The following CYTH1 variants were observed in gnomAD, a reference collection of about 807,000 sequenced individuals.
The protein encoded by CYTH1 is cytohesin 1.
In CYTH1, 18 loss-of-function variants were observed where a neutral mutation model predicts 61.8. That is an observed-to-expected ratio of 0.29 (90% confidence interval 0.20 to 0.43). CYTH1 has a LOEUF of 0.43. CYTH1 is among the 20% of genes least tolerant of loss of function. The pLI is 1.00. For missense variants in CYTH1, 336 were observed against 510.5 expected (o/e 0.66, Z 3.29); for synonymous variants, 174 against 184.3 (o/e 0.94, Z 0.45).
intron 1 of CYTH1, among the ~76,000 whole-genome samples, chr17:78,756,562 T>C (rs1211833955): frequency 1.3e-5 from 2 of 152,174 alleles, no homozygotes; most frequent in African/African-American, 4.8e-5. Flanking sequence ...AATGAGGCTA[T>C]TTGAAGTCCT....
intron 9 of CYTH1, 81 bp downstream of exon 9, chr17:78,698,188 C>T (rs1365435904): frequency 3.0e-5 from 34 of 1,137,432 alleles, no homozygotes; most frequent in Middle Eastern, 2.5e-4. Flanking sequence ...CGCGCACACA[C>T]GCACGCACGC....
rs1451324630 is a variant in CYTH1 at position 78,698,971 on chromosome 17, A to T, written c.551-3T>A. On this transcript the variant is annotated splice_region_variant and splice_polypyrimidine_tract_variant and intron_variant, in intron 7 of 13. Coordinates refer to ENST00000446868, the MANE Select transcript of CYTH1 (RefSeq NM_004762.6). ...AAAGGAGAGGACGTAACAAGTATCT[A>T]AAGATGAGAGAAAAGCAAAGGGGAG... 7 of 1,610,030 alleles carry T rather than the reference A, an allele frequency of 4.3e-6. No homozygotes were observed. The highest frequency in any genetic ancestry group is 5.9e-6 in the Non-Finnish European group (7 of 1,178,766).
At chr17:78,704,253 C>G (rs2093042826) in intron 3 of CYTH1, among the ~76,000 whole-genome samples, 1 of 152,148 alleles carries the variant, frequency 6.6e-6, no homozygotes, top group African/African-American at 2.4e-5. Context: ...AGTAGCAAGG[C>G]CCTGGACCGG....
At chr17:78,698,760 C>T (rs2092974197) in intron 8 of CYTH1, 60 bp downstream of exon 8, 6 of 1,494,900 alleles carry the variant, frequency 4.0e-6, no homozygotes, top group Admixed American at 5.0e-5. Context: ...CTACAAAAGA[C>T]GATCCTGTTC....
chr17:78,756,108 C>CTTTTTTTTTT (rs2093400126), intron 1 of CYTH1, among the ~76,000 whole-genome samples: 1 of 144,188 alleles, frequency 6.9e-6, no homozygotes. Flanking sequence ...CAGAGTCTTG[C>CTTTTTTTTTT]TGTGTCACCT....
At chr17:78,725,334 C>T (rs2093260312) in intron 1 of CYTH1, among the ~76,000 whole-genome samples, 3 of 152,170 alleles carry the variant, frequency 2.0e-5, no homozygotes, top group Admixed American at 2.0e-4. Context: ...TTACGTGATA[C>T]AAACAAACTC....
chr17:78,770,722 A>G (rs569450613), intron 1 of CYTH1, among the ~76,000 whole-genome samples: 4 of 152,248 alleles, frequency 2.6e-5, no homozygotes, highest in African/African-American at 7.2e-5. Flanking sequence ...AGGTTTTTTT[A>G]ATAGCCTTAG....
chr17:78,684,431 C>T (rs1030974372), intron 11 of CYTH1, among the ~76,000 whole-genome samples: 1 of 152,246 alleles, frequency 6.6e-6, no homozygotes, highest in Admixed American at 6.5e-5. Flanking sequence ...AACAGGCAGG[C>T]TGCACCCCTC....
chr17:78,717,704 C>T lies in CYTH1; in HGVS notation c.23-7972G>A, dbSNP rs2093193680. ...CACAGGCAGATGCCCGGGGATATGC[C>T]ATAAAGTTCCACGGAAAACGCAGCT... On this transcript the variant is annotated intron_variant, in intron 1 of 13. Transcript: ENST00000446868. The surrounding 1 kb of genome is among the most constrained non-coding windows in gnomAD (Gnocchi z 4.4). Among the ~76,000 whole-genome samples the T allele has an allele frequency of 6.6e-6, 1 of 152,108 alleles. No individual in the cohort carries two copies. Among genetic ancestry groups the T allele is most frequent in the African/African-American group, 2.4e-5 (1 of 41,416 alleles).
At chr17:78,776,826 TAA>T (rs1217575523) in intron 1 of CYTH1, among the ~76,000 whole-genome samples, 19 of 148,886 alleles carry the variant, frequency 1.3e-4, no homozygotes, top group East Asian at 6.0e-4. Flanking sequence ...TTTTTTTTTT[TAA>T]AAAAAGAAAC....
intron 1 of CYTH1, among the ~76,000 whole-genome samples, chr17:78,740,272 C>A (rs1446779156): frequency 1.3e-5 from 2 of 152,154 alleles, no homozygotes; most frequent in South Asian, 2.1e-4. Context: ...CCAACCAGGT[C>A]CCCCATCTCC....
intron 10 of CYTH1, among the ~76,000 whole-genome samples, chr17:78,694,598 G>T (rs937970927): frequency 2.6e-5 from 4 of 152,116 alleles, no homozygotes; most frequent in African/African-American, 9.7e-5. Flanking sequence ...CCAGCCTGGC[G>T]GGCCATTGGT....
chr17:78,768,108 AG>A (rs1598924427), intron 1 of CYTH1, among the ~76,000 whole-genome samples: 1 of 152,364 alleles, frequency 6.6e-6, no homozygotes, highest in East Asian at 1.9e-4. Flanking sequence ...AGGTATAAAA[AG>A]GAGTCTATAA....
chr17:78,723,595 A>C (rs1007846166), intron 1 of CYTH1: 1 of 152,676 alleles, frequency 6.5e-6, no homozygotes, highest in East Asian at 1.9e-4. Context: ...GCTCATTTCC[A>C]TGAATGCAGT....
rs2144293669 is a variant in CYTH1, at chr17:78,700,644, C to T, written c.438-201G>A. 1.3e-5 allele frequency among the ~76,000 whole-genome samples: 2 copies of T among 152,242 alleles called. No individual in the cohort carries two copies. Among genetic ancestry groups the T allele is most frequent in the South Asian group, 4.1e-4 (2 of 4,820 alleles). The stretch of plus-strand genomic sequence containing the variant: ...GGTTCAGGCAATCTTCTGCCTCAGC[C>T]TCCCGAGTAGCCGGGACTACAGGCA... On this transcript the variant is annotated intron_variant, in intron 6 of 13. Transcript: ENST00000446868. This position sits in a 1 kb window ranked among gnomAD's most constrained non-coding sequence, Gnocchi z 5.1.
Position 78,680,984 on chromosome 17 carries a change from T to TA in CYTH1, c.949_950insT (p.Asp317ValfsTer9). 1 of 1,613,942 alleles carries TA rather than the reference T, an allele frequency of 6.2e-7. No individual in the cohort carries two copies. Among genetic ancestry groups the TA allele is most frequent in the Non-Finnish European group, 8.5e-7 (1 of 1,180,002 alleles). Reference sequence around the variant, plus strand: ...AAAAATACTCACTGGTTTTTTGGAGTCCTCCACTTCCCGGATACTCAGATT... The same window carrying TA: ...AAAAATACTCACTGGTTTTTTGGAGTACCTCCACTTCCCGGATACTCAGATT... On this transcript the variant is annotated frameshift_variant, in exon 12 of 14. Coordinates refer to ENST00000446868, the MANE Select transcript of CYTH1 (RefSeq NM_004762.6). LOFTEE classifies it high-confidence loss of function.
At chr17:78,771,902 G>A (rs1221785573) in intron 1 of CYTH1, among the ~76,000 whole-genome samples, 1 of 152,070 alleles carries the variant, frequency 6.6e-6, no homozygotes, top group Non-Finnish European at 1.5e-5. Context: ...TGGATAATGA[G>A]GAGTCATAGA....
Position 78,680,952 on chromosome 17 carries a change from T to G in CYTH1, c.963+19A>C. ...CCATCCCCTTTCTCCCCTCAAAATA[T>G]CTCAGCAAAAATACTCACTGGTTTT... On this transcript the variant is annotated intron_variant, in intron 12 of 13. Transcript: ENST00000446868. 1.2e-6 allele frequency: 2 copies of G among 1,613,248 alleles called. No homozygotes were observed. Among genetic ancestry groups the G allele is most frequent in the Non-Finnish European group, 1.7e-6 (2 of 1,179,542 alleles).
intron 11 of CYTH1, among the ~76,000 whole-genome samples, chr17:78,689,502 G>A (rs2092853793): frequency 6.6e-6 from 1 of 152,300 alleles, no homozygotes. Context: ...GACAGGATGT[G>A]GAGCTCAGGA....
Sources: gnomAD v4.1 joint callset for allele counts (sites outside exome capture counted in the v4.1 genomes callset) on GRCh38, gnomAD v4.1.1 for gene constraint, Gnocchi (gnomAD v3.1) non-coding constraint, MANE v1.5 for transcripts, NCBI Gene and HGNC (gene_info 2026-07-23, HGNC 2026-07-21) for gene names.